The following PTPRD variants were observed in gnomAD, a reference collection of about 807,000 sequenced individuals.
The protein encoded by PTPRD is protein tyrosine phosphatase receptor type D, also known as receptor-type tyrosine-protein phosphatase delta.
A neutral mutation model predicts 214.5 loss-of-function variants in PTPRD; 34 were observed. The ratio of observed to expected loss-of-function variants is 0.16; its 90% CI spans 0.12 to 0.21. The LOEUF (loss-of-function observed/expected upper bound fraction) is 0.21, where lower values mean the gene tolerates loss of function less well. Ranked by LOEUF, PTPRD falls within the 10% of genes least tolerant of loss-of-function variation. PTPRD has a pLI of 1.00. For synonymous variants in PTPRD, 1,128 were observed against 845.7 expected, an observed-to-expected ratio of 1.33 and a Z score of -5.79; for missense variants, 2,545 against 2,398.7, an observed-to-expected ratio of 1.06 and a Z score of -1.27.
chr9:10,054,345 A>G (rs1424537449), intron 3 of PTPRD, among the ~76,000 whole-genome samples: 2 of 152,174 alleles, frequency 1.3e-5, no homozygotes, highest in Admixed American at 1.3e-4. Context: ...GGACTACATA[A>G]TCTATAAAAT....
chr9:10,238,074 A>G (rs977744722), intron 3 of PTPRD, among the ~76,000 whole-genome samples: 2 of 151,748 alleles, frequency 1.3e-5, no homozygotes, highest in African/African-American at 4.8e-5. Flanking sequence ...AAGTGAAAAC[A>G]ACGAAATAGA....
chr9:9,036,705 C>A (rs974005165), intron 10 of PTPRD, among the ~76,000 whole-genome samples: 1 of 152,230 alleles, frequency 6.6e-6, no homozygotes, highest in East Asian at 1.9e-4. Flanking sequence ...TATTGTTTAT[C>A]TTTACATCCA....
chr9:9,300,812 T>C (rs990546591), intron 9 of PTPRD, among the ~76,000 whole-genome samples: 1 of 151,908 alleles, frequency 6.6e-6, no homozygotes, highest in South Asian at 2.1e-4. Context: ...TGGTATTTTG[T>C]TATATCAATC....
chr9:9,956,115 A>T (rs1213561022), intron 4 of PTPRD, among the ~76,000 whole-genome samples: 3 of 152,182 alleles, frequency 2.0e-5, no homozygotes, highest in Admixed American at 1.3e-4. Context: ...AGAAATGTCC[A>T]ATCTAATATA....
intron 43 of PTPRD, among the ~76,000 whole-genome samples, chr9:8,337,582 A>G (rs1298308223): frequency 6.6e-6 from 1 of 152,098 alleles, no homozygotes; most frequent in Non-Finnish European, 1.5e-5. Context: ...CTGCACATGT[A>G]TTCAGGACTT....
At chr9:10,096,339 T>C (rs1480480628) in intron 3 of PTPRD, among the ~76,000 whole-genome samples, 2 of 151,722 alleles carry the variant, frequency 1.3e-5, no homozygotes, top group Non-Finnish European at 3.0e-5. Flanking sequence ...ACCCCTTTTA[T>C]CTAACTGGCT....
chr9:10,210,739 T>A (rs2099512079), intron 3 of PTPRD, among the ~76,000 whole-genome samples: 1 of 119,888 alleles, frequency 8.3e-6, no homozygotes, highest in African/African-American at 2.8e-5. Context: ...TATAAAATGC[T>A]TATATATATT....
At chr9:9,923,797 G>A (rs1315427317) in intron 5 of PTPRD, among the ~76,000 whole-genome samples, 1 of 151,850 alleles carries the variant, frequency 6.6e-6, no homozygotes, top group Non-Finnish European at 1.5e-5. Context: ...TTTTTAGAAA[G>A]ATACTAGAAG....
intron 7 of PTPRD, among the ~76,000 whole-genome samples, chr9:9,709,112 A>T (rs940216449): frequency 1.3e-5 from 2 of 152,052 alleles, no homozygotes; most frequent in African/African-American, 4.8e-5. Context: ...CATATAAGTT[A>T]TAAGGTAAGA....
At chr9:8,557,778 A>C (rs2084522404) in intron 14 of PTPRD, among the ~76,000 whole-genome samples, 1 of 132,050 alleles carries the variant, frequency 7.6e-6, no homozygotes, top group African/African-American at 3.0e-5. Flanking sequence ...GAAAAACAAA[A>C]TACACACACA....
At chr9:8,326,381 T>C (rs1016998280) in intron 44 of PTPRD, among the ~76,000 whole-genome samples, 7 of 152,296 alleles carry the variant, frequency 4.6e-5, no homozygotes, top group African/African-American at 1.7e-4. Context: ...TTCATTGATT[T>C]GTGTATGTTG....
chr9:10,045,335 T>G lies in PTPRD; in HGVS notation c.-544-11545A>C, dbSNP rs573876864. On this transcript the variant is annotated intron_variant, in intron 3 of 45. Transcript: ENST00000381196. Reference sequence around the variant, plus strand: ...ATGTTTACATATTAGAACAGTGACATAGAACTGAATTCATATAAATTGAAA... The same window carrying G: ...ATGTTTACATATTAGAACAGTGACAGAGAACTGAATTCATATAAATTGAAA... 1.6e-4 allele frequency among the ~76,000 whole-genome samples: 24 copies of G among 151,820 alleles called. 1 individual carries two copies. The South Asian group carries it at 5.0e-3, about 31-fold the overall frequency.
intron 44 of PTPRD, among the ~76,000 whole-genome samples, chr9:8,329,640 G>C (rs1025167965): frequency 6.6e-6 from 1 of 152,162 alleles, no homozygotes; most frequent in Non-Finnish European, 1.5e-5. Context: ...CAGGTGCTTT[G>C]TCCCAGTGAG....
intron 11 of PTPRD, among the ~76,000 whole-genome samples, chr9:8,874,264 A>G (rs146423355): frequency 4.6e-5 from 7 of 152,294 alleles, no homozygotes; most frequent in Admixed American, 1.3e-4. Context: ...CTTCAACTGT[A>G]AACTCAGATT....
intron 4 of PTPRD, among the ~76,000 whole-genome samples, chr9:9,990,271 T>A (rs2095867938): frequency 6.6e-6 from 1 of 152,224 alleles, no homozygotes; most frequent in African/African-American, 2.4e-5. Context: ...TGGTTTGAAA[T>A]GCCTCCTATC....
chr9:9,818,047 G>C (rs1056894447), intron 5 of PTPRD, among the ~76,000 whole-genome samples: 3 of 152,126 alleles, frequency 2.0e-5, no homozygotes, highest in African/African-American at 7.2e-5. Flanking sequence ...TGTAACTTTG[G>C]TTCTCTCACA....
chr9:8,452,625 G>C (rs888151283), intron 33 of PTPRD, among the ~76,000 whole-genome samples: 1 of 152,008 alleles, frequency 6.6e-6, no homozygotes, highest in Non-Finnish European at 1.5e-5. Context: ...TAAAATGTTA[G>C]TGCGAGTTTA....
intron 9 of PTPRD, among the ~76,000 whole-genome samples, chr9:9,276,343 C>T (rs185163260): frequency 7.9e-5 from 12 of 151,424 alleles, no homozygotes; most frequent in African/African-American, 2.9e-4. Flanking sequence ...TTTGTAATTA[C>T]ATGTTACACT....
At chr9:10,067,634 G>A (rs1018178128) in intron 3 of PTPRD, among the ~76,000 whole-genome samples, 7 of 151,732 alleles carry the variant, frequency 4.6e-5, no homozygotes, top group East Asian at 2.0e-4. Context: ...TTATACTTAC[G>A]AAGGATTACA....
Sources: gnomAD v4.1 joint callset for allele counts (sites outside exome capture counted in the v4.1 genomes callset) on GRCh38, gnomAD v4.1.1 for gene constraint, MANE v1.5 for transcripts, NCBI Gene and HGNC (gene_info 2026-07-23, HGNC 2026-07-21) for gene names.